MICU1: variants seen among roughly 807,000 people sequenced by gnomAD.
The protein encoded by MICU1 is mitochondrial calcium uptake 1, also known as calcium uptake protein 1, mitochondrial.
MICU1 carries 45 observed loss-of-function variants against 56.8 expected under a neutral mutation model. The observed-to-expected ratio is 0.79, with a 90% CI of 0.62 to 1.02. The LOEUF is 1.02. Among genes scored for constraint, MICU1 ranks in the 50% least tolerant of loss-of-function variants. MICU1 has a pLI of 0.00. For synonymous variants in MICU1, 186 were observed against 195.1 expected, an observed-to-expected ratio of 0.95 and a Z score of 0.39; for missense variants, 504 against 587.1, an observed-to-expected ratio of 0.86 and a Z score of 1.46.
At chr10:72,543,455 C>T (rs549353108) in intron 4 of MICU1, among the ~76,000 whole-genome samples, 9 of 152,148 alleles carry the variant, frequency 5.9e-5, no homozygotes, top group African/African-American at 2.2e-4. Flanking sequence ...AAGAGGATCA[C>T]GTGAGCCCAG....
chr10:72,558,304 CA>C (rs1244150800), intron 3 of MICU1, among the ~76,000 whole-genome samples: 1 of 151,778 alleles, frequency 6.6e-6, no homozygotes, highest in Non-Finnish European at 1.5e-5. Context: ...ATAACCAGTT[CA>C]AAAAACAAAA....
chr10:72,579,319 C>G (rs547259047), intron 1 of MICU1, among the ~76,000 whole-genome samples: 11 of 152,066 alleles, frequency 7.2e-5, no homozygotes, highest in Admixed American at 7.2e-4. Context: ...GGGCCTGTTC[C>G]GCATAGACAC....
intron 1 of MICU1, among the ~76,000 whole-genome samples, chr10:72,574,035 T>C (rs1840681082): frequency 6.6e-6 from 1 of 152,174 alleles, no homozygotes; most frequent in African/African-American, 2.4e-5. Flanking sequence ...CTTATATTTC[T>C]GACCCCTGAC....
At chr10:72,609,465 A>G (rs1841778922) in intron 1 of MICU1, among the ~76,000 whole-genome samples, 3 of 152,078 alleles carry the variant, frequency 2.0e-5, no homozygotes, top group Admixed American at 2.0e-4. Context: ...CCAGGCACGG[A>G]GACTCACGCC....
At chr10:72,547,546 T>TAC (rs1839927283) in intron 4 of MICU1, among the ~76,000 whole-genome samples, 1 of 150,110 alleles carries the variant, frequency 6.7e-6, no homozygotes, top group African/African-American at 2.4e-5. Flanking sequence ...TATATATATA[T>TAC]ATATAAAGTC....
chr10:72,449,169 G>C (rs572370278), intron 8 of MICU1, among the ~76,000 whole-genome samples: 5 of 152,202 alleles, frequency 3.3e-5, no homozygotes, highest in Admixed American at 3.3e-4. Flanking sequence ...AGGCTGAGGC[G>C]GGCAGATCAC....
At chr10:72,478,669 T>C (rs1181624895) in intron 6 of MICU1, among the ~76,000 whole-genome samples, 1 of 152,224 alleles carries the variant, frequency 6.6e-6, no homozygotes, top group Non-Finnish European at 1.5e-5. Context: ...AGAAACACTT[T>C]CTGGGCTCAA....
At chr10:72,484,446 G>T (rs1866400007) in intron 6 of MICU1, among the ~76,000 whole-genome samples, 1 of 151,096 alleles carries the variant, frequency 6.6e-6, no homozygotes. Context: ...AGGAGGAAAA[G>T]AAATTAGTTA....
rs557029759 is a variant in MICU1 at position 72,559,178 on chromosome 10, ACT to A, written c.330+3715_330+3716del. ...ACTCCAGCCTATGTGACAGAGCAAG[ACT>A]CTCTCTCCAAAAAAGAGAAAAACCC... On this transcript the variant is annotated intron_variant, in intron 3 of 11. Coordinates refer to ENST00000361114, the MANE Select transcript of MICU1 (RefSeq NM_001195518.2). 3.3e-5 allele frequency among the ~76,000 whole-genome samples: 5 copies of A among 152,116 alleles called. No individual in the cohort carries two copies. The South Asian group carries it at 8.3e-4, about 25-fold the overall frequency.
chr10:72,418,504 T>A (rs1328632936), intron 9 of MICU1, among the ~76,000 whole-genome samples: 3 of 152,206 alleles, frequency 2.0e-5, no homozygotes, highest in African/African-American at 7.2e-5. Context: ...AATGGGTTAT[T>A]AACTTCTCTT....
At chr10:72,588,017 T>C (rs1205561399) in intron 1 of MICU1, among the ~76,000 whole-genome samples, 1 of 152,142 alleles carries the variant, frequency 6.6e-6, no homozygotes, top group Non-Finnish European at 1.5e-5. Flanking sequence ...CTAAATCTCA[T>C]GTTTAATTGT....
rs980341096 is a variant in MICU1 at position 72,614,213 on chromosome 10, T to TA, written c.-2+11796dup. ...ATTCAAATGGCTATTACTTAAATTT[T>TA]AAAAAAAAAACAAGTGTTGACAAGG... On this transcript the variant is annotated intron_variant, in intron 1 of 11. Transcript: ENST00000361114. 7.8e-3 allele frequency among the ~76,000 whole-genome samples: 1,183 copies of TA among 150,772 alleles called. 19 individuals carry two copies. The highest frequency in any genetic ancestry group is 0.027 in the African/African-American group (1,106 of 41,114).
At chr10:72,539,763 CAA>C (rs1417318123) in intron 4 of MICU1, among the ~76,000 whole-genome samples, 3 of 152,020 alleles carry the variant, frequency 2.0e-5, no homozygotes, top group Non-Finnish European at 4.4e-5. Flanking sequence ...AGAAAAAGCA[CAA>C]AGAGACAATA....
intron 5 of MICU1, among the ~76,000 whole-genome samples, chr10:72,521,761 A>G (rs1022545465): frequency 6.6e-6 from 1 of 152,088 alleles, no homozygotes; most frequent in Non-Finnish European, 1.5e-5. Context: ...TCAGGACTGA[A>G]TATTTTTGAA....
chr10:72,553,234 C>CTT (rs35593530), intron 3 of MICU1, among the ~76,000 whole-genome samples: 50 of 129,030 alleles, frequency 3.9e-4, no homozygotes, highest in African/African-American at 1.2e-3. Flanking sequence ...TACCTTTCTT[C>CTT]TTTTTTTTTT....
At chr10:72,579,208 C>T (rs563196746) in intron 1 of MICU1, among the ~76,000 whole-genome samples, 1 of 152,132 alleles carries the variant, frequency 6.6e-6, no homozygotes, top group African/African-American at 2.4e-5. Context: ...TGACAATACA[C>T]CTTATACTGG....
At chr10:72,621,083 T>G (rs939938670) in intron 1 of MICU1, among the ~76,000 whole-genome samples, 4 of 152,114 alleles carry the variant, frequency 2.6e-5, no homozygotes, top group African/African-American at 7.2e-5. Flanking sequence ...GTTTTAATGA[T>G]GAACCACCAG....
At chr10:72,594,297 A>G (rs1841311911) in intron 1 of MICU1, among the ~76,000 whole-genome samples, 1 of 152,188 alleles carries the variant, frequency 6.6e-6, no homozygotes, top group Non-Finnish European at 1.5e-5. Context: ...CAACAAGAAG[A>G]TCCACATAAA....
At chr10:72,466,728 C>T (rs1865805202) in intron 8 of MICU1, among the ~76,000 whole-genome samples, 1 of 152,136 alleles carries the variant, frequency 6.6e-6, no homozygotes, top group African/African-American at 2.4e-5. Flanking sequence ...GGATTGAAAG[C>T]CTTCTTGCCT....
Sources: allele counts gnomAD v4.1 joint callset (sites outside exome capture counted in the v4.1 genomes callset), GRCh38; gene constraint gnomAD v4.1.1; transcripts MANE v1.5; gene names NCBI Gene and HGNC (gene_info 2026-07-23, HGNC 2026-07-21).